Variants in DUSP22 observed in about 807,000 individuals in gnomAD.
DUSP22 encodes the protein dual specificity protein phosphatase 22.
A neutral mutation model predicts 24.5 loss-of-function variants in DUSP22; 24 were observed. The observed-to-expected ratio is 0.98, with a 90% confidence interval of 0.71 to 1.38. The LOEUF is 1.38. Among genes scored for constraint, DUSP22 ranks in the 40% most tolerant of loss-of-function variants. The pLI is 0.00. For missense variants in DUSP22, 330 were observed against 269.2 expected, an observed-to-expected ratio of 1.23 and a Z score of -1.58; for synonymous variants, 160 against 106.4, an observed-to-expected ratio of 1.50 and a Z score of -3.10.
At chr6:309,408 T>A (rs1757964765) in intron 2 of DUSP22, among the ~76,000 whole-genome samples, 1 of 152,304 alleles carries the variant, frequency 6.6e-6, no homozygotes, top group Non-Finnish European at 1.5e-5. Context: ...TAGCCCTAAA[T>A]TTGAAGCTCG....
chr6:303,439 A>C (rs541450243), intron 1 of DUSP22, among the ~76,000 whole-genome samples: 5 of 152,300 alleles, frequency 3.3e-5, no homozygotes, highest in African/African-American at 1.2e-4. Context: ...CCCTGCAATC[A>C]CTAGACATGA....
chr6:302,820 G>A (rs865781690), intron 1 of DUSP22, among the ~76,000 whole-genome samples: 2 of 152,300 alleles, frequency 1.3e-5, no homozygotes, highest in African/African-American at 2.4e-5. Context: ...GGGAGGACGC[G>A]ACTCCAATAT....
At chr6:329,719 T>C (rs1759056096) in intron 3 of DUSP22, among the ~76,000 whole-genome samples, 1 of 152,306 alleles carries the variant, frequency 6.6e-6, no homozygotes, top group African/African-American at 2.4e-5. Context: ...CCCAAAGTGC[T>C]GGGATTGCAG....
chr6:348,445 T>A (rs528851131), intron 6 of DUSP22, 171 bp downstream of exon 6: 2 of 1,147,430 alleles, frequency 1.7e-6, no homozygotes, highest in East Asian at 2.6e-5. Flanking sequence ...CGATCCCTCG[T>A]GCACCTGTTG....
chr6:327,977 T>G (rs1191223403), intron 3 of DUSP22, among the ~76,000 whole-genome samples: 1 of 152,302 alleles, frequency 6.6e-6, no homozygotes, highest in Admixed American at 6.5e-5. Flanking sequence ...TCTTCTCTAC[T>G]TTGCAGACAG....
chr6:300,820 G>A (rs12196612), intron 1 of DUSP22, among the ~76,000 whole-genome samples: 4 of 152,206 alleles, frequency 2.6e-5, no homozygotes, highest in Non-Finnish European at 5.9e-5. Context: ...GCATCCAAAT[G>A]TGGTTACCTT....
chr6:323,330 G>A (rs1015022750), intron 3 of DUSP22, among the ~76,000 whole-genome samples: 9 of 152,416 alleles, frequency 5.9e-5, no homozygotes, highest in Non-Finnish European at 8.8e-5. Context: ...AGTTATCACC[G>A]CAGCTACTGC....
chr6:341,077 A>G (rs1759584320), intron 4 of DUSP22, among the ~76,000 whole-genome samples: 1 of 152,296 alleles, frequency 6.6e-6, no homozygotes. Flanking sequence ...GTGACTGGGC[A>G]GTTTGCGAGT....
chr6:350,118 T>A lies in DUSP22; in HGVS notation c.*1167T>A. 2 of 986,014 alleles carry A rather than the reference T, an allele frequency of 2.0e-6. No individual in the cohort carries two copies. The highest frequency in any genetic ancestry group is 2.4e-6 in the Non-Finnish European group (2 of 830,334). 61.1% of individuals were successfully genotyped at this position (986,014 alleles called of 1,614,324 possible). ...CTCATTGAATGTTTTTGGAAAGGTG[T>A]TTTTTGGTATGCAAGTCAGCTTTGC... On this transcript the variant is annotated 3_prime_UTR_variant, in exon 7 of 7. Transcript: ENST00000419235.
intron 1 of DUSP22, among the ~76,000 whole-genome samples, chr6:297,663 C>T (rs922532849): frequency 6.6e-6 from 1 of 152,300 alleles, no homozygotes; most frequent in Non-Finnish European, 1.5e-5. Flanking sequence ...GGAGTGAAAT[C>T]ATCCCCAGTT....
chr6:338,606 T>C (rs1256390383), intron 4 of DUSP22, among the ~76,000 whole-genome samples: 2 of 152,306 alleles, frequency 1.3e-5, no homozygotes, highest in African/African-American at 4.8e-5. Flanking sequence ...AACTGTGTTC[T>C]GCAGGACCTA....
Position 349,285 on chromosome 6 carries a change from C to T in DUSP22, c.*334C>T. On this transcript the variant is annotated 3_prime_UTR_variant, in exon 7 of 7. Transcript: ENST00000419235. ...CCTGTGTGAGTGAGGGTATGTGCACCTAAGTGTGTACATGTGTGTATGTTG... is the reference window on the plus strand; with the variant it reads ...CCTGTGTGAGTGAGGGTATGTGCACTTAAGTGTGTACATGTGTGTATGTTG... 2 of 1,278,994 alleles carry T rather than the reference C, an allele frequency of 1.6e-6. No individual in the cohort carries two copies. The highest frequency in any genetic ancestry group is 2.0e-6 in the Non-Finnish European group (2 of 1,004,516). 79.2% of individuals were successfully genotyped at this position (1,278,994 alleles called of 1,614,324 possible).
At position 351,260 on chromosome 6, in the gene DUSP22, T is replaced by G. The variant is rs1240752088; in HGVS notation, c.*2309T>G. On this transcript the variant is annotated 3_prime_UTR_variant, in exon 7 of 7. Coordinates refer to ENST00000419235, the MANE Select transcript of DUSP22 (RefSeq NM_001286555.3). ...AATTCCCCAGCTTGGGAAATAGCCC[T>G]TGGTGTGGGTTTTATCTCTGGTTTG... is the stretch of plus-strand genomic sequence containing the variant. 12 of 223,302 alleles carry G rather than the reference T, an allele frequency of 5.4e-5. No individual in the cohort carries two copies. The highest frequency in any genetic ancestry group is 2.6e-5 in the Non-Finnish European group (3 of 113,260). 13.8% of individuals were successfully genotyped at this position (223,302 alleles called of 1,614,324 possible). A position where few individuals can be genotyped will look rare whatever the true frequency, so the allele number is the denominator to read the frequency against.
chr6:301,065 C>T (rs1581143988), intron 1 of DUSP22, among the ~76,000 whole-genome samples: 1 of 152,428 alleles, frequency 6.6e-6, no homozygotes, highest in East Asian at 1.9e-4. Flanking sequence ...TGGGTCACAC[C>T]CATGTAGCAG....
At chr6:303,767 T>G (rs1757690497) in intron 1 of DUSP22, among the ~76,000 whole-genome samples, 1 of 152,306 alleles carries the variant, frequency 6.6e-6, no homozygotes, top group South Asian at 2.1e-4. Flanking sequence ...AAGAATTTGC[T>G]TCCTACTTCG....
At chr6:304,719 C>T in intron 2 of DUSP22, 58 bp downstream of exon 2, 1 of 1,604,152 alleles carries the variant, frequency 6.2e-7, no homozygotes, top group Non-Finnish European at 8.5e-7. Context: ...AATGTGTCAT[C>T]TTGACCATTT....
intron 4 of DUSP22, among the ~76,000 whole-genome samples, chr6:338,657 C>T (rs1448065436): frequency 6.6e-6 from 1 of 152,306 alleles, no homozygotes; most frequent in African/African-American, 2.4e-5. Flanking sequence ...TTAAAAAATT[C>T]TCGGTGCTTC....
chr6:337,791 G>A (rs1759423913), intron 4 of DUSP22, among the ~76,000 whole-genome samples: 1 of 152,300 alleles, frequency 6.6e-6, no homozygotes, highest in South Asian at 2.1e-4. Flanking sequence ...CTTTTAATTA[G>A]TTCTCTCCTA....
intron 1 of DUSP22, among the ~76,000 whole-genome samples, chr6:300,272 G>A (rs557750049): frequency 1.1e-4 from 17 of 152,420 alleles, no homozygotes; most frequent in Admixed American, 5.9e-4. Context: ...GGTGAGATTG[G>A]AGAATGCCTT....
Sources: allele counts gnomAD v4.1 joint callset (sites outside exome capture counted in the v4.1 genomes callset), GRCh38; gene constraint gnomAD v4.1.1; transcripts MANE v1.5; gene names NCBI Gene and HGNC (gene_info 2026-07-23, HGNC 2026-07-21).